The following KCNK9 variants were observed in gnomAD, a reference collection of about 807,000 sequenced individuals.
KCNK9 encodes the protein potassium channel subfamily K member 9.
KCNK9 carries 1 observed loss-of-function variant against 10.8 expected under a neutral mutation model. The ratio of observed to expected loss-of-function variants is 0.09; its 90% CI spans 0.03 to 0.44. KCNK9 has a LOEUF of 0.44. Among genes scored for constraint, KCNK9 ranks in the 20% least tolerant of loss-of-function variants. KCNK9 has a pLI of 0.97. For missense variants in KCNK9, 303 were observed against 515.0 expected (o/e 0.59, Z 3.98); for synonymous variants, 231 against 222.7 (o/e 1.04, Z -0.33).
intron 1 of KCNK9, among the ~76,000 whole-genome samples, chr8:139,639,150 T>A (rs1466503207): frequency 6.6e-6 from 1 of 152,122 alleles, no homozygotes; most frequent in Non-Finnish European, 1.5e-5. Context: ...AAACCTGAGC[T>A]TTGGAGCCTA....
At chr8:139,641,632 C>CCG (rs1491018002) in intron 1 of KCNK9, among the ~76,000 whole-genome samples, 234 of 1,290 alleles carry the variant, frequency 0.18, no homozygotes, top group African/African-American at 0.25. Context: ...TCTGGCCTGC[C>CCG]CCCCCCCCGC....
chr8:139,689,679 G>A (rs893254573), intron 1 of KCNK9, among the ~76,000 whole-genome samples: 53 of 135,720 alleles, frequency 3.9e-4, no homozygotes, highest in Admixed American at 2.0e-3. Context: ...GTCTCACTCT[G>A]CTGCCCAAGC....
chr8:139,664,251 A>T (rs1816241268), intron 1 of KCNK9, among the ~76,000 whole-genome samples: 2 of 152,178 alleles, frequency 1.3e-5, no homozygotes, highest in South Asian at 4.1e-4. Context: ...TTGTGTTCAA[A>T]GACTTCTCTG....
intron 1 of KCNK9, among the ~76,000 whole-genome samples, chr8:139,632,850 G>A (rs1253723423): frequency 1.3e-5 from 2 of 152,188 alleles, no homozygotes; most frequent in Non-Finnish European, 2.9e-5. Context: ...GCATTTGGGG[G>A]TACAGCTGCT....
intron 1 of KCNK9, among the ~76,000 whole-genome samples, chr8:139,665,815 A>G (rs141999590): frequency 2.0e-5 from 3 of 152,316 alleles, no homozygotes; most frequent in Admixed American, 6.5e-5. Context: ...GCAACTTCCA[A>G]CACGGTAGGT....
At chr8:139,653,058 A>C (rs561969236) in intron 1 of KCNK9, among the ~76,000 whole-genome samples, 1 of 152,292 alleles carries the variant, frequency 6.6e-6, no homozygotes, top group African/African-American at 2.4e-5. Context: ...CCAGCGCCCC[A>C]GCACTCCTCA....
At chr8:139,625,778 G>A (rs1325669833) in intron 1 of KCNK9, among the ~76,000 whole-genome samples, 2 of 151,324 alleles carry the variant, frequency 1.3e-5, no homozygotes, top group African/African-American at 2.4e-5. Flanking sequence ...GAGAGAGGCA[G>A]AGGACAAGGA....
chr8:139,622,851 T>A (rs1814835414), intron 1 of KCNK9, among the ~76,000 whole-genome samples: 1 of 152,190 alleles, frequency 6.6e-6, no homozygotes. Flanking sequence ...ATACATGGCA[T>A]CTATGAAGAC....
At chr8:139,699,875 C>G (rs1817159628) in intron 1 of KCNK9, among the ~76,000 whole-genome samples, 1 of 152,220 alleles carries the variant, frequency 6.6e-6, no homozygotes, top group African/African-American at 2.4e-5. Context: ...ACCAGCGGCT[C>G]CTGTCCCAGC....
intron 1 of KCNK9, among the ~76,000 whole-genome samples, chr8:139,678,196 C>T (rs1816607710): frequency 6.6e-6 from 1 of 152,222 alleles, no homozygotes; most frequent in African/African-American, 2.4e-5. Flanking sequence ...CCTTGGAAGG[C>T]ACTGGAATCA....
chr8:139,677,753 T>A (rs1213823875), intron 1 of KCNK9, among the ~76,000 whole-genome samples: 1 of 144,256 alleles, frequency 6.9e-6, no homozygotes, highest in Non-Finnish European at 1.5e-5. Flanking sequence ...TTCAGAGTAA[T>A]ACCTCACATC....
At chr8:139,643,492 G>T (rs368054975) in intron 1 of KCNK9, among the ~76,000 whole-genome samples, 4 of 152,222 alleles carry the variant, frequency 2.6e-5, no homozygotes, top group Admixed American at 2.6e-4. Context: ...ACACAGGAGC[G>T]TTCCGGATCC....
intron 1 of KCNK9, among the ~76,000 whole-genome samples, chr8:139,632,353 A>C (rs1815199352): frequency 6.6e-6 from 1 of 152,206 alleles, no homozygotes; most frequent in African/African-American, 2.4e-5. Context: ...CTGATGACGG[A>C]GTCAGCCCAC....
intron 2 of KCNK9, among the ~76,000 whole-genome samples, chr8:139,603,768 T>C (rs116325986): frequency 3.2e-4 from 49 of 152,338 alleles, no homozygotes; most frequent in African/African-American, 1.1e-3. Flanking sequence ...CTCAGCCATA[T>C]TATCCCTTGA....
At chr8:139,603,328 G>A (rs1347514312) in intron 2 of KCNK9, among the ~76,000 whole-genome samples, 1 of 152,156 alleles carries the variant, frequency 6.6e-6, no homozygotes, top group African/African-American at 2.4e-5. Flanking sequence ...AGAGGGGAAG[G>A]CGCTGTTGTG....
intron 1 of KCNK9, among the ~76,000 whole-genome samples, chr8:139,623,228 C>T (rs1405891130): frequency 1.3e-5 from 2 of 152,204 alleles, no homozygotes; most frequent in Non-Finnish European, 2.9e-5. Flanking sequence ...CTAATACATT[C>T]CCCCAGCACC....
chr8:139,650,115 A>G (rs1046931847), intron 1 of KCNK9, among the ~76,000 whole-genome samples: 1 of 152,210 alleles, frequency 6.6e-6, no homozygotes. Context: ...GGCTGTGGGA[A>G]GAACTTGGCT....
chr8:139,619,650 C>T (rs1044693301), intron 1 of KCNK9, among the ~76,000 whole-genome samples: 1 of 152,112 alleles, frequency 6.6e-6, no homozygotes, highest in East Asian at 1.9e-4. Context: ...TCTAAACAAC[C>T]ATAATGATTC....
At chr8:139,692,602 G>A (rs1412662501) in intron 1 of KCNK9, among the ~76,000 whole-genome samples, 1 of 152,126 alleles carries the variant, frequency 6.6e-6, no homozygotes, top group African/African-American at 2.4e-5. Context: ...TCAGCACTTG[G>A]GTGCTGTCAA....
Sources: gnomAD v4.1 joint callset for allele counts (sites outside exome capture counted in the v4.1 genomes callset) on GRCh38, gnomAD v4.1.1 for gene constraint, MANE v1.5 for transcripts, NCBI Gene and HGNC (gene_info 2026-07-23, HGNC 2026-07-21) for gene names.